INSL6: variants seen among roughly 807,000 people sequenced by gnomAD.
The protein encoded by INSL6 is insulin-like peptide INSL6.
A neutral mutation model predicts 9.4 loss-of-function variants in INSL6; 16 were observed. The observed-to-expected ratio is 1.70, with a 90% CI of 1.15 to 2.59. The LOEUF (loss-of-function observed/expected upper bound fraction) is 2.59. INSL6 is among the 30% of genes most tolerant of loss of function. The pLI, the probability that INSL6 is intolerant of heterozygous loss-of-function variation, is 0.00. For synonymous variants in INSL6, 154 were observed against 96.9 expected (o/e 1.59, Z -3.46); for missense variants, 391 against 257.3 (o/e 1.52, Z -3.56).
chr9:5,052,018 G>C, the INSL6 span, among the ~76,000 whole-genome samples: 1 of 152,078 alleles, frequency 6.6e-6, no homozygotes, highest in Non-Finnish European at 1.5e-5. Context: ...AATACTTGCT[G>C]TATGCCAGGC....
chr9:5,168,800 T>G (rs1825115251), intron 1 of INSL6, among the ~76,000 whole-genome samples: 1 of 117,460 alleles, frequency 8.5e-6, no homozygotes, highest in African/African-American at 5.2e-5. Flanking sequence ...AAGGTCAAAA[T>G]GAAGGAATGT....
intron 2 of INSL6, among the ~76,000 whole-genome samples, chr9:5,155,964 A>T (rs1460147765): frequency 6.6e-6 from 1 of 152,314 alleles, no homozygotes. Context: ...AACCTCAGCT[A>T]GAATAATCAA....
At chr9:5,143,733 C>T (rs1454984151) in intron 2 of INSL6, among the ~76,000 whole-genome samples, 2 of 150,668 alleles carry the variant, frequency 1.3e-5, no homozygotes, top group Non-Finnish European at 2.9e-5. Flanking sequence ...GATCTCAGCT[C>T]ACTACAACCT....
chr9:5,162,926 G>T (rs1169622579), downstream of INSL6, among the ~76,000 whole-genome samples: 1 of 152,104 alleles, frequency 6.6e-6, no homozygotes, highest in Non-Finnish European at 1.5e-5. Flanking sequence ...ACTGGGTTCT[G>T]TTTTGCTCTA....
chr9:4,998,892 G>A, the INSL6 span, among the ~76,000 whole-genome samples: 1 of 152,018 alleles, frequency 6.6e-6, no homozygotes, highest in African/African-American at 2.4e-5. Context: ...GTGCAGTGGT[G>A]CGATCTGCAA....
chr9:5,005,192 C>G, the INSL6 span, among the ~76,000 whole-genome samples: 3 of 143,198 alleles, frequency 2.1e-5, no homozygotes, highest in Non-Finnish European at 3.0e-5. Context: ...TCAAGTAATC[C>G]TCCCACCTTG....
the INSL6 span, among the ~76,000 whole-genome samples, chr9:5,013,243 T>G: frequency 1.3e-5 from 2 of 152,206 alleles, no homozygotes; most frequent in African/African-American, 2.4e-5. Context: ...GGAGTGGTCT[T>G]TAGAGTACAA....
chr9:5,049,087 T>A, the INSL6 span, among the ~76,000 whole-genome samples: 1 of 152,196 alleles, frequency 6.6e-6, no homozygotes, highest in Non-Finnish European at 1.5e-5. Flanking sequence ...TTAATAAAGT[T>A]ATCAGCCTTT....
rs201009427 is a variant in INSL6, at chr9:5,138,166, T to C, written c.377-4574A>G. ...AAATTAGTTCAACCATTGTGGAAGA[T>C]AGTGTGGCTATTCCTCAAGGATCTA... is the stretch of plus-strand genomic sequence containing the variant. On this transcript the variant is annotated intron_variant, in intron 2 of 3. Transcript: ENST00000649639. Among the ~76,000 whole-genome samples the C allele has an allele frequency of 4.1e-4, 62 of 152,254 alleles. No homozygotes were observed. The South Asian group carries it at 4.4e-3, about 11-fold the overall frequency.
chr9:5,022,419 T>G, the INSL6 span, among the ~76,000 whole-genome samples: 1 of 152,178 alleles, frequency 6.6e-6, no homozygotes, highest in Non-Finnish European at 1.5e-5. Flanking sequence ...TCAAAACAAA[T>G]TGATGCCCAT....
At chr9:5,066,800 C>G in the INSL6 span, 2 of 1,259,826 alleles carry the variant, frequency 1.6e-6, no homozygotes, top group Non-Finnish European at 2.2e-6. Flanking sequence ...GTTAGTATGT[C>G]ACACTTATTA....
At chr9:5,058,738 G>A in the INSL6 span, among the ~76,000 whole-genome samples, 1 of 151,968 alleles carries the variant, frequency 6.6e-6, no homozygotes. Context: ...CCATCTGATG[G>A]GTGTGAAGTA....
At chr9:5,045,142 G>A in the INSL6 span, among the ~76,000 whole-genome samples, 1 of 152,130 alleles carries the variant, frequency 6.6e-6, no homozygotes, top group Non-Finnish European at 1.5e-5. Context: ...TAAATAACTT[G>A]TTTTTATGTG....
At chr9:5,164,559 G>A (rs989233101) in intron 1 of INSL6, among the ~76,000 whole-genome samples, 6 of 152,076 alleles carry the variant, frequency 3.9e-5, no homozygotes, top group East Asian at 1.9e-4. Flanking sequence ...TAGTATATTC[G>A]CAGGGTTGTG....
the INSL6 span, among the ~76,000 whole-genome samples, chr9:5,048,507 T>G: frequency 6.6e-6 from 1 of 152,012 alleles, no homozygotes; most frequent in Non-Finnish European, 1.5e-5. Context: ...ATTGATCATC[T>G]TCTACTTAAA....
the INSL6 span, among the ~76,000 whole-genome samples, chr9:5,055,454 T>G: frequency 1.3e-5 from 2 of 152,042 alleles, no homozygotes; most frequent in South Asian, 2.1e-4. Flanking sequence ...TTTAGATTCC[T>G]GGCATCATTT....
chr9:5,019,212 G>T, the INSL6 span, among the ~76,000 whole-genome samples: 2 of 151,962 alleles, frequency 1.3e-5, no homozygotes, highest in African/African-American at 4.8e-5. Flanking sequence ...TTGCTTTATG[G>T]TATCCCATAT....
the INSL6 span, among the ~76,000 whole-genome samples, chr9:5,034,531 A>G: frequency 6.6e-6 from 1 of 152,042 alleles, no homozygotes; most frequent in Non-Finnish European, 1.5e-5. Flanking sequence ...AAATTATAAC[A>G]AACTGTCTCT....
the INSL6 span, among the ~76,000 whole-genome samples, chr9:5,031,831 C>T: frequency 3.0e-3 from 456 of 152,296 alleles, 2 homozygotes; most frequent in African/African-American, 9.9e-3. Context: ...CCAGCATGGG[C>T]GATGCAGAAG....
Sources: allele counts gnomAD v4.1 joint callset (sites outside exome capture counted in the v4.1 genomes callset), GRCh38; gene constraint gnomAD v4.1.1; transcripts MANE v1.5; gene names NCBI Gene and HGNC (gene_info 2026-07-23, HGNC 2026-07-21).